Variants in THSD7B observed in about 807,000 individuals in gnomAD.
THSD7B encodes the protein thrombospondin type-1 domain-containing protein 7B.
THSD7B carries 138 observed loss-of-function variants against 213.6 expected under a neutral mutation model. That is an observed-to-expected ratio of 0.65 (90% confidence interval 0.56 to 0.74). THSD7B has a LOEUF of 0.74. THSD7B is among the 30% of genes least tolerant of loss of function. THSD7B has a pLI of 0.00. For missense variants in THSD7B, 1,931 were observed against 1,991.5 expected, an observed-to-expected ratio of 0.97 and a Z score of 0.58; for synonymous variants, 742 against 687.0, an observed-to-expected ratio of 1.08 and a Z score of -1.25.
At chr2:137,238,861 C>G (rs1467250689) in intron 9 of THSD7B, among the ~76,000 whole-genome samples, 1 of 152,104 alleles carries the variant, frequency 6.6e-6, no homozygotes, top group Non-Finnish European at 1.5e-5. Flanking sequence ...CCATGACACT[C>G]ATCTTTCTTT....
intron 12 of THSD7B, among the ~76,000 whole-genome samples, chr2:137,323,036 A>T (rs1558757717): frequency 6.6e-6 from 1 of 152,058 alleles, no homozygotes; most frequent in Non-Finnish European, 1.5e-5. Flanking sequence ...CATATTCCTG[A>T]CTCTCAGGCA....
intron 2 of THSD7B, among the ~76,000 whole-genome samples, chr2:137,027,780 A>C (rs1686582679): frequency 6.6e-6 from 1 of 152,154 alleles, no homozygotes; most frequent in Non-Finnish European, 1.5e-5. Flanking sequence ...CACTTAATAC[A>C]TATTTGTAGA....
chr2:137,251,119 A>G (rs1440099860), intron 10 of THSD7B, among the ~76,000 whole-genome samples: 1 of 152,218 alleles, frequency 6.6e-6, no homozygotes, highest in Non-Finnish European at 1.5e-5. Context: ...CATGTCAAAT[A>G]AATAGATGCT....
intron 14 of THSD7B, among the ~76,000 whole-genome samples, chr2:137,443,667 G>C (rs186762216): frequency 6.6e-6 from 1 of 151,892 alleles, no homozygotes; most frequent in Non-Finnish European, 1.5e-5. Flanking sequence ...TTGAGTTCCC[G>C]TTCTACTTCT....
chr2:136,903,925 GGTGTGTGTGTGTGTGTGT>G (rs775988420), intron 2 of THSD7B, among the ~76,000 whole-genome samples: 2 of 108,724 alleles, frequency 1.8e-5, no homozygotes, highest in African/African-American at 6.8e-5. Flanking sequence ...CTTCCTGTGA[GGTGTGTGTGTGTGTGTGT>G]GTGTGTGTGT....
chr2:137,331,920 C>T (rs1389173536), intron 12 of THSD7B, among the ~76,000 whole-genome samples: 4 of 152,160 alleles, frequency 2.6e-5, no homozygotes, highest in Non-Finnish European at 5.9e-5. Context: ...CCGCCAAGCC[C>T]ACGCCCACCC....
chr2:136,889,878 G>T (rs1036611519), intron 2 of THSD7B, among the ~76,000 whole-genome samples: 4 of 151,992 alleles, frequency 2.6e-5, no homozygotes, highest in African/African-American at 9.7e-5. Flanking sequence ...TGCCTTTATT[G>T]TCGTGTTTTC....
At chr2:137,551,357 T>C (rs1680844888) in intron 15 of THSD7B, among the ~76,000 whole-genome samples, 1 of 152,142 alleles carries the variant, frequency 6.6e-6, no homozygotes, top group Non-Finnish European at 1.5e-5. Context: ...AGTTCAGCAG[T>C]GCCTTCAAAT....
At chr2:137,452,111 A>C in intron 15 of THSD7B, 8 of 745,624 alleles carry the variant, frequency 1.1e-5, no homozygotes, top group Non-Finnish European at 1.1e-5. Context: ...TTTATAAAAG[A>C]CATATAACTC....
intron 1 of THSD7B, among the ~76,000 whole-genome samples, chr2:136,868,580 A>C (rs1683382383): frequency 6.6e-6 from 1 of 152,210 alleles, no homozygotes; most frequent in Admixed American, 6.5e-5. Flanking sequence ...TTTTGACATT[A>C]AATATTTAGA....
intron 2 of THSD7B, among the ~76,000 whole-genome samples, chr2:136,932,919 C>T (rs1246673977): frequency 6.6e-6 from 1 of 152,032 alleles, no homozygotes; most frequent in Non-Finnish European, 1.5e-5. Flanking sequence ...AGGTAATGTT[C>T]CAGAAAAGCT....
At chr2:137,474,132 A>G (rs567129448) in intron 15 of THSD7B, among the ~76,000 whole-genome samples, 1 of 152,218 alleles carries the variant, frequency 6.6e-6, no homozygotes, top group Non-Finnish European at 1.5e-5. Context: ...AAGTGTATGT[A>G]CAATGTATTT....
chr2:137,602,373 G>A (rs1481418082), intron 17 of THSD7B, among the ~76,000 whole-genome samples: 3 of 151,842 alleles, frequency 2.0e-5, no homozygotes, highest in Non-Finnish European at 2.9e-5. Flanking sequence ...AGATTCAAGC[G>A]ATTCCCCTGC....
chr2:137,662,036 C>T (rs1341344411), intron 25 of THSD7B, among the ~76,000 whole-genome samples: 3 of 151,142 alleles, frequency 2.0e-5, no homozygotes, highest in Non-Finnish European at 4.4e-5. Context: ...AGCTACTGAT[C>T]ACCAGCTTCA....
chr2:137,518,488 C>T (rs960761278), intron 15 of THSD7B, among the ~76,000 whole-genome samples: 75 of 152,182 alleles, frequency 4.9e-4, no homozygotes, highest in African/African-American at 1.7e-3. Context: ...GGAAGAAGCA[C>T]GATTGGAAAA....
intron 2 of THSD7B, among the ~76,000 whole-genome samples, chr2:136,924,145 C>T (rs763095277): frequency 7.2e-5 from 11 of 152,136 alleles, no homozygotes; most frequent in Non-Finnish European, 1.0e-4. Context: ...GAGCCCTGCT[C>T]TGTCACCAAG....
chr2:136,864,987 TTAA>T (rs371528405), intron 1 of THSD7B, among the ~76,000 whole-genome samples: 11 of 152,370 alleles, frequency 7.2e-5, no homozygotes, highest in South Asian at 2.1e-4. Flanking sequence ...CTAATTAAAA[TTAA>T]TAATAAGTTC....
intron 5 of THSD7B, among the ~76,000 whole-genome samples, chr2:137,137,011 C>A (rs537199212): frequency 5.3e-5 from 8 of 152,266 alleles, no homozygotes; most frequent in African/African-American, 1.7e-4. Context: ...ATGACAGTTC[C>A]TTTTCCTACT....
intron 12 of THSD7B, among the ~76,000 whole-genome samples, chr2:137,352,068 C>A (rs972321764): frequency 1.3e-5 from 2 of 151,574 alleles, no homozygotes; most frequent in African/African-American, 2.4e-5. Context: ...AGATTGGACA[C>A]CTCTGTGCTA....
Sources: gnomAD v4.1 joint callset for allele counts (sites outside exome capture counted in the v4.1 genomes callset) on GRCh38, gnomAD v4.1.1 for gene constraint, MANE v1.5 for transcripts, NCBI Gene and HGNC (gene_info 2026-07-23, HGNC 2026-07-21) for gene names.